The following TTC34 variants were observed in gnomAD, a reference collection of about 807,000 sequenced individuals.
TTC34 encodes tetratricopeptide repeat domain 34, also known as tetratricopeptide repeat protein 34.
A neutral mutation model predicts 40.7 loss-of-function variants in TTC34; 44 were observed. The observed-to-expected ratio is 1.08, with a 90% CI of 0.85 to 1.39. TTC34 has a LOEUF of 1.39. Ranked by LOEUF, TTC34 falls within the 40% of genes most tolerant of loss-of-function variation. The probability of loss-of-function intolerance (pLI) is 0.00; values close to 1 mark genes in which losing one functional copy is unlikely to be tolerated. For missense variants in TTC34, 884 were observed against 838.0 expected, an observed-to-expected ratio of 1.05 and a Z score of -0.68; for synonymous variants, 422 against 398.6, an observed-to-expected ratio of 1.06 and a Z score of -0.70.
chr1:2,686,671 A>AACACCCTGCAACTGCAGGTGC (rs1640365774), intron 6 of TTC34, among the ~76,000 whole-genome samples: 1 of 140,520 alleles, frequency 7.1e-6, no homozygotes, highest in Non-Finnish European at 1.5e-5. Flanking sequence ...AGCCTGGAAC[A>AACACCCTGCAACTGCAGGTGC]GCACCCTGCA....
At chr1:2,800,332 C>T (rs1388645028) in exon 2 of TTC34, 6 of 398,444 alleles carry the variant, frequency 1.5e-5, no homozygotes, top group Non-Finnish European at 2.7e-5. Flanking sequence ...GCGCTGGAGG[C>T]GAAGGCCTGG....
intron 6 of TTC34, among the ~76,000 whole-genome samples, chr1:2,685,310 C>T (rs1204334404): frequency 7.4e-5 from 9 of 122,282 alleles, no homozygotes; most frequent in Non-Finnish European, 1.5e-4. Flanking sequence ...CCTGGAGCAG[C>T]ACACACACCC....
intron 6 of TTC34, among the ~76,000 whole-genome samples, chr1:2,758,502 G>A (rs1230999028): frequency 1.2e-5 from 1 of 82,520 alleles, no homozygotes; most frequent in Non-Finnish European, 2.2e-5. Flanking sequence ...TGATGGCCTG[G>A]AACCGCACCC....
intron 6 of TTC34, among the ~76,000 whole-genome samples, chr1:2,675,222 C>T (rs1488406903): frequency 4.6e-4 from 66 of 143,718 alleles, no homozygotes; most frequent in Non-Finnish European, 6.4e-4. Context: ...CATCTGAGAG[C>T]CTGGAACAGC....
intron 6 of TTC34, among the ~76,000 whole-genome samples, chr1:2,683,586 C>T (rs561969361): frequency 1.2e-4 from 17 of 144,974 alleles, no homozygotes; most frequent in Non-Finnish European, 1.9e-4. Flanking sequence ...TGGAACAGCA[C>T]CCACACACTC....
chr1:2,780,506 A>G (rs1643465280), intron 6 of TTC34, among the ~76,000 whole-genome samples: 2 of 152,210 alleles, frequency 1.3e-5, no homozygotes, highest in South Asian at 4.1e-4. Context: ...TTTCCCTGCA[A>G]CATTTGTTGA....
At chr1:2,799,883 T>C (rs1643753554) in intron 2 of TTC34, among the ~76,000 whole-genome samples, 161 bp downstream of exon 2, 1 of 152,210 alleles carries the variant, frequency 6.6e-6, no homozygotes, top group African/African-American at 2.4e-5. Flanking sequence ...TTTGTTTGTG[T>C]CTTTGGGTGC....
At chr1:2,700,109 G>A (rs575575375) in intron 6 of TTC34, among the ~76,000 whole-genome samples, 1 of 120,674 alleles carries the variant, frequency 8.3e-6, no homozygotes, top group Non-Finnish European at 1.9e-5. Flanking sequence ...GTGAGCATCC[G>A]AGAGCCTGGA....
chr1:2,673,359 C>T (rs1454841003), intron 6 of TTC34, among the ~76,000 whole-genome samples: 1 of 71,428 alleles, frequency 1.4e-5, no homozygotes, highest in African/African-American at 4.9e-5. Context: ...CCCACGGCCA[C>T]AGGCGAGCAT....
intron 6 of TTC34, among the ~76,000 whole-genome samples, chr1:2,749,582 C>T (rs1569686520): frequency 1.9e-5 from 2 of 104,396 alleles, no homozygotes; most frequent in East Asian, 2.8e-4. Context: ...GAGCATCCGA[C>T]AGCCTGGAGC....
intron 6 of TTC34, among the ~76,000 whole-genome samples, chr1:2,778,616 G>A (rs892816084): frequency 2.0e-5 from 3 of 152,224 alleles, no homozygotes; most frequent in African/African-American, 7.2e-5. Context: ...GTTGATGGGA[G>A]CTCTGTGGGG....
chr1:2,748,901 G>A (rs1488501852), intron 6 of TTC34, among the ~76,000 whole-genome samples: 59 of 63,300 alleles, frequency 9.3e-4, no homozygotes, highest in Admixed American at 2.4e-3. Flanking sequence ...GCATCTGACA[G>A]CCTGGAACAG....
chr1:2,786,141 T>G (rs1457199985), intron 4 of TTC34, 118 bp from the exon 5 acceptor site: 1 of 941,308 alleles, frequency 1.1e-6, no homozygotes, highest in African/African-American at 1.7e-5. Flanking sequence ...GTCCACCTGG[T>G]GCCAACGCTC....
chr1:2,780,006 C>T (rs778312269), intron 6 of TTC34, among the ~76,000 whole-genome samples: 10 of 152,222 alleles, frequency 6.6e-5, no homozygotes, highest in East Asian at 1.9e-4. Context: ...CCCAGCTACT[C>T]GGGAGGCTGA....
chr1:2,643,876 C>T (rs1356249939), intron 8 of TTC34, among the ~76,000 whole-genome samples: 3 of 152,258 alleles, frequency 2.0e-5, no homozygotes, highest in Admixed American at 1.3e-4. Context: ...GCCTGCTGTG[C>T]TCTTGGCCTC....
At chr1:2,660,047 T>TCAAC (rs1639484270) in intron 6 of TTC34, among the ~76,000 whole-genome samples, 1 of 68,118 alleles carries the variant, frequency 1.5e-5, no homozygotes, top group Admixed American at 1.5e-4. Flanking sequence ...GAGCATCTGA[T>TCAAC]AGCCTGGAAC....
chr1:2,684,953 C>A (rs1231825182), intron 6 of TTC34, among the ~76,000 whole-genome samples: 1 of 141,220 alleles, frequency 7.1e-6, no homozygotes, highest in Non-Finnish European at 1.5e-5. Context: ...GAGCACCACC[C>A]ACACCCCCAG....
chr1:2,756,980 C>G (rs1641527539), intron 6 of TTC34, among the ~76,000 whole-genome samples: 110 of 150,566 alleles, frequency 7.3e-4, no homozygotes, highest in African/African-American at 2.7e-3. Flanking sequence ...TGGAACAGCA[C>G]CCACACGCCC....
chr1:2,638,739 G>A (rs1400441693), exon 9 of TTC34: 1 of 152,364 alleles, frequency 6.6e-6, no homozygotes, highest in Non-Finnish European at 1.5e-5. Flanking sequence ...TGTCTGCTTG[G>A]TCCTGGAGAA....
Sources: allele counts gnomAD v4.1 joint callset (sites outside exome capture counted in the v4.1 genomes callset), GRCh38; gene constraint gnomAD v4.1.1; transcripts MANE v1.5; gene names NCBI Gene and HGNC (gene_info 2026-07-23, HGNC 2026-07-21).